Variants in KCNU1 observed in about 807,000 individuals in gnomAD.
KCNU1 encodes potassium channel subfamily U member 1.
In KCNU1, 93 loss-of-function variants were observed where a neutral mutation model predicts 126.8. That is an observed-to-expected ratio of 0.73 (90% confidence interval 0.62 to 0.87). The LOEUF (loss-of-function observed/expected upper bound fraction) is 0.87, where lower values mean the gene tolerates loss of function less well. Ranked by LOEUF, KCNU1 falls within the 40% of genes least tolerant of loss-of-function variation. The probability of loss-of-function intolerance (pLI) is 0.00; values close to 1 mark genes in which losing one functional copy is unlikely to be tolerated. For synonymous variants in KCNU1, 523 were observed against 494.2 expected (o/e 1.06, Z -0.77); for missense variants, 1,330 against 1,367.1 (o/e 0.97, Z 0.43).
chr8:36,916,036 A>G (rs1228756205), intron 22 of KCNU1, among the ~76,000 whole-genome samples: 1 of 151,406 alleles, frequency 6.6e-6, no homozygotes, highest in Non-Finnish European at 1.5e-5. Context: ...AAGGAAAGGA[A>G]GAAGGGAAAA....
intron 19 of KCNU1, among the ~76,000 whole-genome samples, chr8:36,874,430 T>A (rs1806209204): frequency 2.6e-5 from 4 of 152,170 alleles, no homozygotes; most frequent in Admixed American, 2.0e-4. Flanking sequence ...AATCTGGAGT[T>A]TCCCCTGCTC....
At chr8:36,908,716 C>G (rs1386736578) in intron 20 of KCNU1, among the ~76,000 whole-genome samples, 1 of 151,960 alleles carries the variant, frequency 6.6e-6, no homozygotes, top group Non-Finnish European at 1.5e-5. Flanking sequence ...GATGAATTTC[C>G]TTGATGCAGG....
intron 2 of KCNU1, among the ~76,000 whole-genome samples, chr8:36,801,649 A>G (rs1803310575): frequency 6.6e-6 from 1 of 151,998 alleles, no homozygotes; most frequent in South Asian, 2.1e-4. Context: ...ATAATTATCA[A>G]TATGCTGCTA....
chr8:36,893,958 C>T (rs112530795), intron 19 of KCNU1, among the ~76,000 whole-genome samples: 19 of 152,170 alleles, frequency 1.2e-4, no homozygotes, highest in African/African-American at 3.4e-4. Context: ...TTTGCAGCAA[C>T]GCCTTCCTTC....
intron 16 of KCNU1, among the ~76,000 whole-genome samples, chr8:36,844,344 C>T (rs556255768): frequency 6.6e-6 from 1 of 151,680 alleles, no homozygotes; most frequent in South Asian, 2.1e-4. Context: ...CATGCCATTG[C>T]ACTCCAACCT....
chr8:36,831,468 G>A (rs1804543816), intron 10 of KCNU1, among the ~76,000 whole-genome samples: 1 of 152,156 alleles, frequency 6.6e-6, no homozygotes, highest in African/African-American at 2.4e-5. Flanking sequence ...CTGTGAAATG[G>A]TATCTCATTG....
chr8:36,917,962 C>T (rs1474038812), intron 22 of KCNU1, among the ~76,000 whole-genome samples: 1 of 152,188 alleles, frequency 6.6e-6, no homozygotes, highest in Non-Finnish European at 1.5e-5. Flanking sequence ...GCAGAGACAA[C>T]AGCAGTGCCT....
chr8:36,826,562 T>C (rs1015254625), intron 10 of KCNU1, among the ~76,000 whole-genome samples: 1 of 152,180 alleles, frequency 6.6e-6, no homozygotes, highest in African/African-American at 2.4e-5. Context: ...TCCCTTTTTA[T>C]ATCTCTGTGT....
chr8:36,827,027 C>T (rs1268318996), intron 10 of KCNU1, among the ~76,000 whole-genome samples: 7 of 152,170 alleles, frequency 4.6e-5, no homozygotes, highest in African/African-American at 9.6e-5. Context: ...CATACACTGT[C>T]TTGTTTTCTT....
intron 10 of KCNU1, among the ~76,000 whole-genome samples, chr8:36,825,313 T>C (rs1196350852): frequency 6.6e-6 from 1 of 152,194 alleles, no homozygotes; most frequent in Non-Finnish European, 1.5e-5. Flanking sequence ...GTCTTGACCA[T>C]TTTTATGCTG....
chr8:36,911,258 A>C, intron 22 of KCNU1, 139 bp downstream of exon 22: 1 of 597,438 alleles, frequency 1.7e-6, no homozygotes, highest in Non-Finnish European at 2.8e-6. Context: ...AATCCTGAGA[A>C]TCCCATAGTA....
chr8:36,823,184 G>A (rs540036824), intron 10 of KCNU1, among the ~76,000 whole-genome samples: 3 of 152,136 alleles, frequency 2.0e-5, no homozygotes, highest in South Asian at 2.1e-4. Flanking sequence ...AAGTAATTGT[G>A]GTTTTGCCAT....
rs139336279 is a variant in KCNU1 at position 36,886,555 on chromosome 8, G to A, written c.2010-19153G>A. 1.9e-3 allele frequency among the ~76,000 whole-genome samples: 293 copies of A among 152,272 alleles called. 4 individuals are homozygous for A. Among genetic ancestry groups the A allele is most frequent in the Admixed American group, 0.015 (235 of 15,298 alleles). ...TGAGGTAGGAGATTTATGTTGAACAGGTTGGCAAAACAAACGTATTCAACA... is the reference window on the plus strand; with the variant it reads ...TGAGGTAGGAGATTTATGTTGAACAAGTTGGCAAAACAAACGTATTCAACA... On this transcript the variant is annotated intron_variant, in intron 19 of 26. Coordinates refer to ENST00000399881, the MANE Select transcript of KCNU1 (RefSeq NM_001031836.3).
intron 7 of KCNU1, among the ~76,000 whole-genome samples, chr8:36,811,303 C>T (rs1803700965): frequency 6.6e-6 from 1 of 152,002 alleles, no homozygotes; most frequent in African/African-American, 2.4e-5. Flanking sequence ...AAACATAATT[C>T]AAAATTATTA....
intron 26 of KCNU1, among the ~76,000 whole-genome samples, chr8:36,934,823 C>T (rs970117320): frequency 2.6e-5 from 4 of 152,154 alleles, no homozygotes; most frequent in Non-Finnish European, 5.9e-5. Context: ...GCACTCATTA[C>T]TTCAACTCAC....
chr8:36,909,577 C>A, intron 21 of KCNU1, 42 bp downstream of exon 21: 1 of 1,108,712 alleles, frequency 9.0e-7, no homozygotes, highest in Non-Finnish European at 1.4e-6. Flanking sequence ...ATAAGGATTT[C>A]AATATTAATA....
intron 18 of KCNU1, among the ~76,000 whole-genome samples, chr8:36,850,268 A>G (rs1805293342): frequency 6.6e-6 from 1 of 151,958 alleles, no homozygotes; most frequent in African/African-American, 2.4e-5. Context: ...TTTGCTTTTC[A>G]TTTTTGTTAC....
At chr8:36,872,340 T>C (rs1184417383) in intron 19 of KCNU1, among the ~76,000 whole-genome samples, 1 of 152,174 alleles carries the variant, frequency 6.6e-6, no homozygotes, top group African/African-American at 2.4e-5. Flanking sequence ...GTCTTCTATG[T>C]ACATCCAATA....
At chr8:36,878,229 C>T (rs964121610) in intron 19 of KCNU1, among the ~76,000 whole-genome samples, 1 of 152,070 alleles carries the variant, frequency 6.6e-6, no homozygotes, top group African/African-American at 2.4e-5. Context: ...AAAATAAAGA[C>T]AAGAAAATTT....
Sources: gnomAD v4.1 joint callset for allele counts (sites outside exome capture counted in the v4.1 genomes callset) on GRCh38, gnomAD v4.1.1 for gene constraint, MANE v1.5 for transcripts, NCBI Gene and HGNC (gene_info 2026-07-23, HGNC 2026-07-21) for gene names.